FOXO3: variants seen among roughly 807,000 people sequenced by gnomAD.
The protein encoded by FOXO3 is forkhead box protein O3.
Under a neutral mutation model 41.9 loss-of-function variants are expected in FOXO3, and 4 were observed. The observed-to-expected ratio is 0.10, with a 90% CI of 0.05 to 0.22. The LOEUF (loss-of-function observed/expected upper bound fraction) is 0.22. Among genes scored for constraint, FOXO3 ranks in the 10% least tolerant of loss-of-function variants. The probability of loss-of-function intolerance (pLI) is 1.00; values close to 1 mark genes in which losing one functional copy is unlikely to be tolerated. For missense variants in FOXO3, 534 were observed against 906.8 expected, an observed-to-expected ratio of 0.59 and a Z score of 5.28; for synonymous variants, 318 against 389.3, an observed-to-expected ratio of 0.82 and a Z score of 2.16.
chr6:108,630,771 A>T (rs1301194739), intron 1 of FOXO3, among the ~76,000 whole-genome samples: 6 of 152,150 alleles, frequency 3.9e-5, no homozygotes, highest in African/African-American at 1.4e-4. Context: ...TTTTTAAAAA[A>T]AAGCTTTTTA....
chr6:108,601,018 T>C (rs1303064148), intron 1 of FOXO3, among the ~76,000 whole-genome samples: 2 of 152,190 alleles, frequency 1.3e-5, no homozygotes, highest in African/African-American at 2.4e-5. Context: ...CTATTGTCTT[T>C]TTTTTTTCTG....
At chr6:108,571,197 A>T (rs1287236198) in intron 1 of FOXO3, among the ~76,000 whole-genome samples, 2 of 152,206 alleles carry the variant, frequency 1.3e-5, no homozygotes, top group Non-Finnish European at 2.9e-5. Flanking sequence ...CAGGTAAGAG[A>T]GAAAGGTAAG....
At chr6:108,622,610 T>TC (rs985063674) in intron 1 of FOXO3, among the ~76,000 whole-genome samples, 2 of 152,064 alleles carry the variant, frequency 1.3e-5, no homozygotes, top group Non-Finnish European at 2.9e-5. Context: ...CTCCTCCCAC[T>TC]CCAACTACCA....
chr6:108,634,232 G>A (rs548798680), intron 1 of FOXO3, among the ~76,000 whole-genome samples: 5 of 152,286 alleles, frequency 3.3e-5, no homozygotes, highest in South Asian at 2.1e-4. Flanking sequence ...AACTGCTGAC[G>A]TGTGTGCGTG....
chr6:108,573,103 G>A (rs578149818), intron 1 of FOXO3, among the ~76,000 whole-genome samples: 1 of 152,102 alleles, frequency 6.6e-6, no homozygotes, highest in South Asian at 2.1e-4. Context: ...TGGCTAACAC[G>A]GTGAAACCCC....
In FOXO3 at chr6:108,600,546, CAAAAAAA is replaced by C. The variant is rs56888212; in HGVS notation, c.621+38738_621+38744del. ...TAGGTGACAGAGCAAGTCTCCATCTCAAAAAAAAAAAAAAAAAAAAAAAAAAAGTATG... is the reference window on the plus strand; with the variant it reads ...TAGGTGACAGAGCAAGTCTCCATCTCAAAAAAAAAAAAAAAAAAAAGTATG... On this transcript the variant is annotated intron_variant, in intron 1 of 2. Coordinates refer to ENST00000406360, the MANE Select transcript of FOXO3 (RefSeq NM_001455.4). Among the ~76,000 whole-genome samples the C allele has an allele frequency of 1.5e-4, 7 of 47,774 alleles. No individual in the cohort carries two copies. In the East Asian group the frequency reaches 2.1e-3, roughly 15 times the overall value. 31.3% of individuals were successfully genotyped at this position (47,774 alleles called of 152,430 possible).
intron 1 of FOXO3, among the ~76,000 whole-genome samples, chr6:108,595,193 T>C (rs1217822480): frequency 3.9e-5 from 6 of 152,226 alleles, no homozygotes; most frequent in African/African-American, 1.4e-4. Flanking sequence ...AAAACATTCT[T>C]ATTTCTGTTG....
At chr6:108,638,733 T>C (rs1778179145) in intron 1 of FOXO3, among the ~76,000 whole-genome samples, 1 of 152,148 alleles carries the variant, frequency 6.6e-6, no homozygotes, top group Non-Finnish European at 1.5e-5. Flanking sequence ...TTGCAGTTTG[T>C]TTTCTGTTCG....
intron 2 of FOXO3, among the ~76,000 whole-genome samples, chr6:108,665,826 A>G (rs1026813180): frequency 1.3e-5 from 2 of 151,686 alleles, no homozygotes; most frequent in African/African-American, 4.8e-5. Flanking sequence ...AAAAAAAAAA[A>G]AAAGCCAAAA....
chr6:108,560,271 A>C (rs973205991), upstream of FOXO3, among the ~76,000 whole-genome samples: 7 of 152,160 alleles, frequency 4.6e-5, no homozygotes, highest in Admixed American at 2.6e-4. Context: ...ACCTGTTGGA[A>C]GATTTATGTT....
chr6:108,592,842 A>G (rs1776765932), intron 1 of FOXO3, among the ~76,000 whole-genome samples: 1 of 152,108 alleles, frequency 6.6e-6, no homozygotes, highest in Non-Finnish European at 1.5e-5. Context: ...GGGCGCTAAG[A>G]ATGGTTGGTG....
At chr6:108,601,661 C>T (rs533586511) in intron 1 of FOXO3, among the ~76,000 whole-genome samples, 3 of 152,304 alleles carry the variant, frequency 2.0e-5, no homozygotes, top group Admixed American at 6.5e-5. Flanking sequence ...CTAACTTGAC[C>T]CCTGGCAACC....
At chr6:108,676,454 G>T (rs1443610365) in intron 2 of FOXO3, among the ~76,000 whole-genome samples, 1 of 152,022 alleles carries the variant, frequency 6.6e-6, no homozygotes, top group Non-Finnish European at 1.5e-5. Flanking sequence ...GTTGCCCAGG[G>T]TGGTCTCCAA....
At chr6:108,656,388 G>A in intron 1 of FOXO3, 1 of 985,412 alleles carries the variant, frequency 1.0e-6, no homozygotes, top group Non-Finnish European at 1.2e-6. Context: ...TGGAAGGGCT[G>A]AAGCGGACGT....
At chr6:108,600,045 G>A (rs957895983) in intron 1 of FOXO3, among the ~76,000 whole-genome samples, 1 of 152,114 alleles carries the variant, frequency 6.6e-6, no homozygotes, top group African/African-American at 2.4e-5. Flanking sequence ...GAGGGTGGGA[G>A]GAGGATTTTA....
At chr6:108,618,487 A>T (rs1777576747) in intron 1 of FOXO3, among the ~76,000 whole-genome samples, 1 of 152,248 alleles carries the variant, frequency 6.6e-6, no homozygotes, top group Non-Finnish European at 1.5e-5. Flanking sequence ...CATGCAGTTA[A>T]GTTACTTGGA....
chr6:108,648,626 G>T lies in FOXO3; in HGVS notation c.622-14829G>T, dbSNP rs191513076. Among the ~76,000 whole-genome samples the T allele has an allele frequency of 2.0e-3, 309 of 152,260 alleles. 1 individual carries two copies. Among genetic ancestry groups the T allele is most frequent in the Non-Finnish European group, 3.8e-3 (259 of 68,014 alleles). ...GGAGAAGAGAAGAAAGATGGCTAGA[G>T]ATGATCATTGCCCAATTTTATCTTT... On this transcript the variant is annotated intron_variant, in intron 1 of 2. Transcript: ENST00000406360.
chr6:108,613,213 ATATCT>A (rs1295735762), intron 1 of FOXO3, among the ~76,000 whole-genome samples: 2 of 152,164 alleles, frequency 1.3e-5, no homozygotes, highest in African/African-American at 4.8e-5. Flanking sequence ...ATTTCTTATA[ATATCT>A]TTGCCTGTTT....
intron 2 of FOXO3, 26 bp downstream of exon 2, chr6:108,664,915 A>T: frequency 6.4e-7 from 1 of 1,571,434 alleles, no homozygotes; most frequent in Non-Finnish European, 8.6e-7. Context: ...TATGGCATAA[A>T]AATAACAATA....
Sources: gnomAD v4.1 joint callset for allele counts (sites outside exome capture counted in the v4.1 genomes callset) on GRCh38, gnomAD v4.1.1 for gene constraint, MANE v1.5 for transcripts, NCBI Gene and HGNC (gene_info 2026-07-23, HGNC 2026-07-21) for gene names.